Variants in RBMS3 observed in about 807,000 individuals in gnomAD.
RBMS3 encodes the protein RNA-binding motif, single-stranded-interacting protein 3.
RBMS3 carries 27 observed loss-of-function variants against 66.8 expected under a neutral mutation model. The ratio of observed to expected loss-of-function variants is 0.40; its 90% CI spans 0.30 to 0.56. The LOEUF (loss-of-function observed/expected upper bound fraction) is 0.56, where lower values mean the gene tolerates loss of function less well. Ranked by LOEUF, RBMS3 falls within the 20% of genes least tolerant of loss-of-function variation. The pLI is 0.40. For synonymous variants in RBMS3, 188 were observed against 183.0 expected, an observed-to-expected ratio of 1.03 and a Z score of -0.22; for missense variants, 513 against 549.5, an observed-to-expected ratio of 0.93 and a Z score of 0.66.
chr3:29,789,325 A>AT (rs1370596194), intron 6 of RBMS3, among the ~76,000 whole-genome samples: 2 of 151,956 alleles, frequency 1.3e-5, no homozygotes, highest in African/African-American at 2.4e-5. Flanking sequence ...AATGTAACTG[A>AT]TTTTTTCTCT....
At position 29,790,225 on chromosome 3, in the gene RBMS3, G is replaced by A. The variant is rs1169406884; in HGVS notation, c.637+27236G>A. Among the ~76,000 whole-genome samples the A allele has an allele frequency of 3.3e-5, 5 of 152,084 alleles. No individual in the cohort carries two copies. The East Asian group carries it at 5.8e-4, about 18-fold the overall frequency. On this transcript the variant is annotated intron_variant, in intron 6 of 14. Transcript: ENST00000383767. ...CTTTAAAAATCTATTCTAAAATATA[G>A]GTAAAAAAGTAGCATATGAAATTTA... is the stretch of plus-strand genomic sequence containing the variant.
chr3:29,686,216 C>CT (rs1473461747), intron 4 of RBMS3, among the ~76,000 whole-genome samples: 2 of 152,158 alleles, frequency 1.3e-5, no homozygotes, highest in African/African-American at 4.8e-5. Context: ...CTCTATTACT[C>CT]TAATCAGTAC....
At chr3:29,687,741 T>G (rs2051796188) in intron 4 of RBMS3, among the ~76,000 whole-genome samples, 1 of 152,190 alleles carries the variant, frequency 6.6e-6, no homozygotes, top group African/African-American at 2.4e-5. Context: ...GCTTTCCTGT[T>G]TTCCCATTTC....
intron 7 of RBMS3, among the ~76,000 whole-genome samples, chr3:29,880,139 T>C (rs1389682449): frequency 6.6e-6 from 1 of 152,182 alleles, no homozygotes; most frequent in Non-Finnish European, 1.5e-5. Flanking sequence ...TTAGCTCCTA[T>C]AGTAAAAATC....
At chr3:29,664,264 A>C (rs59224343) in intron 4 of RBMS3, among the ~76,000 whole-genome samples, 5,404 of 152,164 alleles carry the variant, frequency 0.036, 210 homozygotes, top group African/African-American at 0.09. Flanking sequence ...CCAAGGCAGG[A>C]AGATCACAAG....
intron 4 of RBMS3, among the ~76,000 whole-genome samples, chr3:29,631,794 T>G (rs1359524166): frequency 6.6e-6 from 1 of 151,930 alleles, no homozygotes; most frequent in Non-Finnish European, 1.5e-5. Context: ...CACTTGCTAA[T>G]GATCTGTGCA....
At chr3:29,954,830 A>G (rs1695917176) in intron 12 of RBMS3, among the ~76,000 whole-genome samples, 1 of 151,948 alleles carries the variant, frequency 6.6e-6, no homozygotes, top group African/African-American at 2.4e-5. Flanking sequence ...TCTCTTTCCT[A>G]TTCATCCTTC....
chr3:29,361,935 A>G (rs2037617389), intron 1 of RBMS3, among the ~76,000 whole-genome samples: 1 of 152,114 alleles, frequency 6.6e-6, no homozygotes, highest in African/African-American at 2.4e-5. Context: ...TGGTTATTCT[A>G]GTTAGCCATT....
At chr3:29,326,343 T>C (rs763472006) in intron 1 of RBMS3, among the ~76,000 whole-genome samples, 49 of 152,210 alleles carry the variant, frequency 3.2e-4, no homozygotes, top group Admixed American at 2.4e-3. Flanking sequence ...TAAGTCTCCA[T>C]GGCTTTGCTA....
At chr3:29,970,347 T>C (rs2149757695) in intron 12 of RBMS3, among the ~76,000 whole-genome samples, 1 of 152,264 alleles carries the variant, frequency 6.6e-6, no homozygotes, top group Non-Finnish European at 1.5e-5. Flanking sequence ...ATGATATCTG[T>C]ATTGCTTTTT....
intron 2 of RBMS3, among the ~76,000 whole-genome samples, chr3:29,447,633 G>A (rs111764159): frequency 3.3e-5 from 5 of 152,276 alleles, no homozygotes; most frequent in African/African-American, 1.2e-4. Context: ...ATGAAGCCTG[G>A]CATGGAGTGA....
At chr3:29,481,747 G>C (rs1161033273) in intron 2 of RBMS3, among the ~76,000 whole-genome samples, 1 of 152,100 alleles carries the variant, frequency 6.6e-6, no homozygotes, top group Non-Finnish European at 1.5e-5. Context: ...TGCTTCCTTG[G>C]GGCCTCTAGA....
chr3:29,705,787 A>G (rs551533308), intron 4 of RBMS3, among the ~76,000 whole-genome samples: 2 of 152,332 alleles, frequency 1.3e-5, no homozygotes, highest in East Asian at 3.9e-4. Context: ...ATACAAATTC[A>G]TGCAAATATT....
chr3:29,919,638 C>G (rs1177731062), intron 10 of RBMS3, among the ~76,000 whole-genome samples: 1 of 152,198 alleles, frequency 6.6e-6, no homozygotes, highest in Non-Finnish European at 1.5e-5. Flanking sequence ...ACCTCTCTAT[C>G]TTGGACAATT....
intron 1 of RBMS3, among the ~76,000 whole-genome samples, chr3:29,407,358 T>A (rs1041536487): frequency 6.6e-6 from 1 of 152,206 alleles, no homozygotes; most frequent in African/African-American, 2.4e-5. Flanking sequence ...GAGGTGTATG[T>A]ACACGACCTT....
chr3:29,451,961 G>GA (rs1305388807), intron 2 of RBMS3, among the ~76,000 whole-genome samples: 2 of 152,110 alleles, frequency 1.3e-5, no homozygotes, highest in Non-Finnish European at 2.9e-5. Flanking sequence ...AAAAGAGGAG[G>GA]AAAAATCAAA....
intron 3 of RBMS3, among the ~76,000 whole-genome samples, chr3:29,568,966 C>T (rs1325375513): frequency 6.6e-6 from 1 of 152,118 alleles, no homozygotes; most frequent in East Asian, 1.9e-4. Flanking sequence ...CTTTAATGTG[C>T]ATATGGCTTT....
intron 1 of RBMS3, among the ~76,000 whole-genome samples, chr3:29,394,961 A>C (rs968824636): frequency 1.3e-5 from 2 of 152,174 alleles, no homozygotes; most frequent in Admixed American, 6.6e-5. Context: ...CAAAAGTTCA[A>C]TCGAGTCTGC....
At chr3:29,452,587 G>A (rs943182488) in intron 2 of RBMS3, among the ~76,000 whole-genome samples, 2 of 152,132 alleles carry the variant, frequency 1.3e-5, no homozygotes, top group Admixed American at 1.3e-4. Context: ...TATATTTTGC[G>A]AAAAGAATTG....
Sources: gnomAD v4.1 joint callset for allele counts (sites outside exome capture counted in the v4.1 genomes callset) on GRCh38, gnomAD v4.1.1 for gene constraint, MANE v1.5 for transcripts, NCBI Gene and HGNC (gene_info 2026-07-23, HGNC 2026-07-21) for gene names.